The following TASOR2 variants were observed in gnomAD, a reference collection of about 807,000 sequenced individuals.
TASOR2 encodes transcription activation suppressor family member 2.
TASOR2 carries 84 observed loss-of-function variants against 199.5 expected under a neutral mutation model. The ratio of observed to expected loss-of-function variants is 0.42; its 90% CI spans 0.35 to 0.50. The LOEUF (loss-of-function observed/expected upper bound fraction) is 0.50, where lower values mean the gene tolerates loss of function less well. Among genes scored for constraint, TASOR2 ranks in the 20% least tolerant of loss-of-function variants. The pLI is 0.02. For missense variants in TASOR2, 2,796 were observed against 2,835.9 expected, an observed-to-expected ratio of 0.99 and a Z score of 0.32; for synonymous variants, 1,103 against 1,046.6, an observed-to-expected ratio of 1.05 and a Z score of -1.04.
chr10:5,698,678 A>C lies in TASOR2; in HGVS notation c.-288+13503A>C, dbSNP rs1323973018. Among the ~76,000 whole-genome samples the C allele has an allele frequency of 6.6e-6, 1 of 152,166 alleles. No homozygotes were observed. The highest frequency in any genetic ancestry group is 2.4e-5 in the African/African-American group (1 of 41,438). ...AGAGACCGTGTGGTTCATAATCCTA[A>C]AGTATTTATTTTCTGACCCTTTATG... On this transcript the variant is annotated intron_variant, in intron 1 of 20. Coordinates refer to ENST00000328090, the Ensembl canonical transcript of TASOR2. The surrounding 1 kb of genome is among the most constrained non-coding windows in gnomAD (Gnocchi z 4.4).
At position 5,685,536 on chromosome 10, in the gene TASOR2, G is replaced by A. The variant is rs1181538537; in HGVS notation, c.-288+361G>A. On this transcript the variant is annotated intron_variant, in intron 1 of 20. Coordinates refer to ENST00000328090, the Ensembl canonical transcript of TASOR2. The surrounding 1 kb of genome is among the most constrained non-coding windows in gnomAD (Gnocchi z 5.4). ...TTCCGTCTTCGGGTTTGCACCGGCT[G>A]GGAAATCATTTCCTGCGGGTTCTGC... Among the ~76,000 whole-genome samples the A allele has an allele frequency of 6.6e-6, 1 of 152,208 alleles. No homozygotes were observed. Among genetic ancestry groups the A allele is most frequent in the Non-Finnish European group, 1.5e-5 (1 of 68,050 alleles).
chr10:5,707,003 C>CAA (rs5782855), intron 1 of TASOR2, among the ~76,000 whole-genome samples: 284 of 147,208 alleles, frequency 1.9e-3, no homozygotes, highest in Middle Eastern at 3.5e-3. Context: ...GACTCCGTCT[C>CAA]AAAAAAAAAA....
Position 5,748,279 on chromosome 10 carries a change from C to G in TASOR2, c.4858C>G (p.Pro1620Ala), listed in dbSNP as rs749253191. Residue 1620 changes from proline to alanine, a missense_variant, in exon 15 of 21, where the codon CCC becomes GCC. By Grantham distance (27) the Pro-to-Ala change is conservative. Transcript: ENST00000328090. The surrounding 1 kb of genome is among the most constrained non-coding windows in gnomAD (Gnocchi z 5.1). ...TAAAAGCAGTCAGAACCATCTCTTT[C>G]CCGGTGATTTGAAAACAGATGAAGG... The G allele has an allele frequency of 4.3e-6, 7 of 1,614,210 alleles. No individual in the cohort carries two copies. The highest frequency in any genetic ancestry group is 5.9e-6 in the Non-Finnish European group (7 of 1,180,050).
exon 15 of TASOR2, chr10:5,746,889 A>G (rs1381818721): frequency 2.5e-6 from 4 of 1,614,190 alleles, no homozygotes; most frequent in Non-Finnish European, 3.4e-6. Flanking sequence ...CTGATAAAAC[A>G]ATGGTCATGG....
rs114551215 is a variant in TASOR2 at position 5,737,202 on chromosome 10, A to G, written c.1447+1656A>G. On this transcript the variant is annotated intron_variant, in intron 12 of 20. Coordinates refer to ENST00000328090, the Ensembl canonical transcript of TASOR2. This position sits in a 1 kb window ranked among gnomAD's most constrained non-coding sequence, Gnocchi z 4.9. ...CTCAACTTCTTGACCTCTTGACCTC[A>G]TGCTCTGCCTGCCTCGGCCTCCCAA... Among the ~76,000 whole-genome samples, 1,402 of 151,440 alleles carry G rather than the reference A, an allele frequency of 9.3e-3. 27 individuals carry two copies. The highest frequency in any genetic ancestry group is 0.032 in the African/African-American group (1,336 of 41,264).
chr10:5,720,602 C>T lies in TASOR2; in HGVS notation c.-41C>T. Reference sequence around the variant, plus strand: ...ATTGAACGACCCAGACAGATCTGTCCTTATGTAATTGTAGCTTTTCGATAC... The same window carrying T: ...ATTGAACGACCCAGACAGATCTGTCTTTATGTAATTGTAGCTTTTCGATAC... On this transcript the variant is annotated 5_prime_UTR_variant, in exon 4 of 21. Transcript: ENST00000328090. The surrounding 1 kb of genome is among the most constrained non-coding windows in gnomAD (Gnocchi z 5.3). 1 of 1,613,730 alleles carries T rather than the reference C, an allele frequency of 6.2e-7. No homozygotes were observed.
intron 1 of TASOR2, among the ~76,000 whole-genome samples, chr10:5,688,395 A>ATTTTTTTT (rs34362647): frequency 2.0e-3 from 203 of 99,872 alleles, no homozygotes; most frequent in Non-Finnish European, 2.5e-3. Context: ...CTAATTTTTA[A>ATTTTTTTT]TTTTTTTTTT....
At chr10:5,753,209 TAG>T (rs1838323645) in intron 15 of TASOR2, among the ~76,000 whole-genome samples, 1 of 152,218 alleles carries the variant, frequency 6.6e-6, no homozygotes, top group Admixed American at 6.5e-5. Flanking sequence ...CCATTGTTGC[TAG>T]AGTCACAGCT....
chr10:5,742,025 G>T lies in TASOR2; in HGVS notation c.2328-72G>T. The T allele has an allele frequency of 3.5e-6, 5 of 1,437,184 alleles. No individual in the cohort carries two copies. Among genetic ancestry groups the T allele is most frequent in the Non-Finnish European group, 4.8e-6 (5 of 1,045,726 alleles). 89.0% of individuals were successfully genotyped at this position (1,437,184 alleles called of 1,614,324 possible). A position where few individuals can be genotyped will look rare whatever the true frequency, so the allele number is the denominator to read the frequency against. On this transcript the variant is annotated intron_variant, in intron 13 of 20. Coordinates refer to ENST00000328090, the Ensembl canonical transcript of TASOR2. This position sits in a 1 kb window ranked among gnomAD's most constrained non-coding sequence, Gnocchi z 4.2. ...AAACTAAGGAATATTGGAGGCACTT[G>T]CTTATGATAAGGTAATCAACTAAAA...
At chr10:5,712,608 G>T in intron 1 of TASOR2, 1 of 1,198,038 alleles carries the variant, frequency 8.3e-7, no homozygotes, top group Non-Finnish European at 1.0e-6. Context: ...ATCATTTTTG[G>T]TATATAAGCC....
At position 5,689,352 on chromosome 10, in the gene TASOR2, A is replaced by G. The variant is rs1364695520; in HGVS notation, c.-288+4177A>G. On this transcript the variant is annotated intron_variant, in intron 1 of 20. Coordinates refer to ENST00000328090, the Ensembl canonical transcript of TASOR2. The surrounding 1 kb of genome is among the most constrained non-coding windows in gnomAD (Gnocchi z 4.1). ...TGCGGTGGCTCACGCCTGTAATCCC[A>G]GCACTTTGGGTGGCCGAGGTGGGCG... Among the ~76,000 whole-genome samples, 1 of 152,206 alleles carries G rather than the reference A, an allele frequency of 6.6e-6. No homozygotes were observed. Among genetic ancestry groups the G allele is most frequent in the Non-Finnish European group, 1.5e-5 (1 of 68,040 alleles).
chr10:5,703,503 A>ATTTTTTTT (rs371366460), intron 1 of TASOR2, among the ~76,000 whole-genome samples: 11 of 110,256 alleles, frequency 1.0e-4, no homozygotes, highest in Non-Finnish European at 1.9e-4. Context: ...GGTTTTTCTG[A>ATTTTTTTT]TTTTTTTTTT....
chr10:5,742,475 T>G lies in TASOR2; in HGVS notation c.2706T>G (p.Cys902Trp). 1 of 1,614,036 alleles carries G rather than the reference T, an allele frequency of 6.2e-7. No homozygotes were observed. Among genetic ancestry groups the G allele is most frequent in the Non-Finnish European group, 8.5e-7 (1 of 1,180,008 alleles). ...AGAAAAAAACTTTTGCAAGAGAGTGTGATCCAGACACCCAAGAAGACCAGA... is the reference window on the plus strand; with the variant it reads ...AGAAAAAAACTTTTGCAAGAGAGTGGGATCCAGACACCCAAGAAGACCAGA... The change falls in exon 14 of 21, where the codon TGT becomes TGG. Residue 902 changes from cysteine to tryptophan, a missense_variant. This residue lies in a region of TASOR2 where 1,941 missense variants were observed against 1,924.9 expected (regional missense o/e 1.01). Coordinates refer to ENST00000328090, the Ensembl canonical transcript of TASOR2. This position sits in a 1 kb window ranked among gnomAD's most constrained non-coding sequence, Gnocchi z 4.2.
At chr10:5,747,301 C>T in exon 15 of TASOR2, 1 of 1,614,108 alleles carries the variant, frequency 6.2e-7, no homozygotes, top group Non-Finnish European at 8.5e-7. Context: ...ACCTACAAGT[C>T]CCAGAGAAGA....
chr10:5,759,252 C>T (rs1197344165), intron 18 of TASOR2, among the ~76,000 whole-genome samples: 1 of 152,126 alleles, frequency 6.6e-6, no homozygotes, highest in Non-Finnish European at 1.5e-5. Flanking sequence ...TCTATTTAAG[C>T]CCTACTACTA....
At chr10:5,733,220 G>T (rs1369887999) in intron 11 of TASOR2, among the ~76,000 whole-genome samples, 1 of 152,116 alleles carries the variant, frequency 6.6e-6, no homozygotes, top group African/African-American at 2.4e-5. Flanking sequence ...TCATTTAAGA[G>T]TTCTGGGCTG....
intron 14 of TASOR2, among the ~76,000 whole-genome samples, chr10:5,745,063 C>T (rs1836989629): frequency 1.3e-5 from 2 of 152,212 alleles, no homozygotes; most frequent in African/African-American, 4.8e-5. Flanking sequence ...GTTGTATAAT[C>T]AGTTCATTTT....
intron 19 of TASOR2, among the ~76,000 whole-genome samples, chr10:5,762,252 TTA>T (rs1839964613): frequency 6.4e-5 from 3 of 46,568 alleles, no homozygotes; most frequent in Admixed American, 5.5e-4. Flanking sequence ...CTATCTATCT[TTA>T]AAAAAAAAAA....
In TASOR2 at chr10:5,694,238, A is replaced by G. The variant is rs1474256486; in HGVS notation, c.-288+9063A>G. Among the ~76,000 whole-genome samples, 4 of 152,244 alleles carry G rather than the reference A, an allele frequency of 2.6e-5. No individual in the cohort carries two copies. In the South Asian group the frequency reaches 6.2e-4, roughly 24 times the overall value. On this transcript the variant is annotated intron_variant, in intron 1 of 20. Coordinates refer to ENST00000328090, the Ensembl canonical transcript of TASOR2. ...GCAAGATGAGGTATAGGAAATTGGC[A>G]GGGACCAAATTTTACTTGTCCATGG...
Sources: allele counts gnomAD v4.1 joint callset (sites outside exome capture counted in the v4.1 genomes callset), GRCh38; gene constraint gnomAD v4.1.1; regional missense constraint gnomAD v4.1.1; non-coding constraint Gnocchi (gnomAD v3.1); transcripts MANE v1.5; gene names NCBI Gene and HGNC (gene_info 2026-07-23, HGNC 2026-07-21).